Variants in MEF2A observed in about 807,000 individuals in gnomAD.
MEF2A encodes myocyte enhancer factor 2A.
In MEF2A, 28 loss-of-function variants were observed where a neutral mutation model predicts 55.8. The observed-to-expected ratio is 0.50, with a 90% CI of 0.37 to 0.69. The LOEUF (loss-of-function observed/expected upper bound fraction) is 0.69. Among genes scored for constraint, MEF2A ranks in the 30% least tolerant of loss-of-function variants. The pLI is 0.00. For synonymous variants in MEF2A, 239 were observed against 227.1 expected, an observed-to-expected ratio of 1.05 and a Z score of -0.47; for missense variants, 528 against 626.2, an observed-to-expected ratio of 0.84 and a Z score of 1.67.
intron 4 of MEF2A, among the ~76,000 whole-genome samples, chr15:99,647,706 G>A (rs935475815): frequency 6.6e-6 from 1 of 152,050 alleles, no homozygotes; most frequent in African/African-American, 2.4e-5. Flanking sequence ...ATTACATATT[G>A]GGATTTTGAT....
chr15:99,593,711 A>G (rs1215119509), intron 1 of MEF2A, among the ~76,000 whole-genome samples: 1 of 152,214 alleles, frequency 6.6e-6, no homozygotes, highest in Non-Finnish European at 1.5e-5. Context: ...AGGTAGTTCA[A>G]ATAGTTTGAA....
At chr15:99,702,973 T>C (rs975107880) in intron 8 of MEF2A, among the ~76,000 whole-genome samples, 4 of 152,152 alleles carry the variant, frequency 2.6e-5, no homozygotes, top group African/African-American at 9.7e-5. Context: ...GGGGTAATAG[T>C]AGGGTGATTA....
At chr15:99,676,234 TCTTA>T (rs1449419907) in intron 7 of MEF2A, among the ~76,000 whole-genome samples, 1 of 152,006 alleles carries the variant, frequency 6.6e-6, no homozygotes, top group African/African-American at 2.4e-5. Flanking sequence ...TATTGTGGAG[TCTTA>T]CTTAACAGAA....
intron 4 of MEF2A, among the ~76,000 whole-genome samples, chr15:99,663,155 G>A (rs2048963741): frequency 6.6e-6 from 1 of 151,906 alleles, no homozygotes; most frequent in African/African-American, 2.4e-5. Flanking sequence ...AGCAGTATAG[G>A]CTCTTCGATC....
chr15:99,712,374 CT>C lies in MEF2A; in HGVS notation c.1137-8del, dbSNP rs747362503. ...TACTTGCAAGCCATCTGACCTCTCT[CT>C]TTTTTTTCCTTCAGTGCTGGAGGGC... On this transcript the variant is annotated splice_polypyrimidine_tract_variant and intron_variant, in intron 11 of 11. Transcript: ENST00000557942. This position sits in a 1 kb window ranked among gnomAD's most constrained non-coding sequence, Gnocchi z 4.1. 2.6e-6 allele frequency: 4 copies of C among 1,511,120 alleles called. No homozygotes were observed. The highest frequency in any genetic ancestry group is 2.1e-5 in the Admixed American group (1 of 48,496). 93.6% of individuals were successfully genotyped at this position (1,511,120 alleles called of 1,614,324 possible). A position where few individuals can be genotyped will look rare whatever the true frequency, so the allele number is the denominator to read the frequency against.
chr15:99,574,751 T>C (rs1341414311), intron 1 of MEF2A, among the ~76,000 whole-genome samples: 1 of 152,206 alleles, frequency 6.6e-6, no homozygotes, highest in Non-Finnish European at 1.5e-5. Context: ...TCTTGCTGTG[T>C]GGCCCCATTC....
At chr15:99,711,804 T>A (rs1349516775) in intron 11 of MEF2A, among the ~76,000 whole-genome samples, 1 of 152,228 alleles carries the variant, frequency 6.6e-6, no homozygotes, top group African/African-American at 2.4e-5. Context: ...CTCAGGCCTG[T>A]CCTGAGCATC....
At chr15:99,625,483 T>C (rs1596562445) in intron 2 of MEF2A, among the ~76,000 whole-genome samples, 2 of 152,280 alleles carry the variant, frequency 1.3e-5, no homozygotes, top group Middle Eastern at 6.8e-3. Flanking sequence ...TCTTGTCTAA[T>C]TGCTCTAGCT....
At chr15:99,607,933 T>C (rs1853817334) in intron 2 of MEF2A, among the ~76,000 whole-genome samples, 1 of 152,228 alleles carries the variant, frequency 6.6e-6, no homozygotes, top group East Asian at 1.9e-4. Flanking sequence ...TCAGTTCTTA[T>C]AATTTCCTGT....
rs1403151791 is a variant in MEF2A at position 99,706,768 on chromosome 15, C to T, written c.922C>T (p.Leu308Phe). 5 of 1,613,834 alleles carry T rather than the reference C, an allele frequency of 3.1e-6. No homozygotes were observed. The highest frequency in any genetic ancestry group is 4.2e-6 in the Non-Finnish European group (5 of 1,179,830). ...RISSSQATQPLATPVVSVTTP... is the reference protein window; with the variant it reads ...RISSSQATQPFATPVVSVTTP... ...CAGTAGTTCTCAAGCCACTCAACCT[C>T]TTGCTACCCCAGTCGTGTCTGTGAC... The change falls in exon 10 of 12, where the codon CTT becomes TTT. Residue 308 changes from leucine (L) to phenylalanine (F), a missense_variant. Transcript: ENST00000557942.
chr15:99,616,196 C>T (rs1025204615), intron 2 of MEF2A, among the ~76,000 whole-genome samples: 1 of 151,774 alleles, frequency 6.6e-6, no homozygotes, highest in Non-Finnish European at 1.5e-5. Context: ...AGGTATTTTA[C>T]GTGTATACAA....
chr15:99,701,382 CA>C (rs1309013672), intron 8 of MEF2A, among the ~76,000 whole-genome samples: 1 of 152,008 alleles, frequency 6.6e-6, no homozygotes, highest in Non-Finnish European at 1.5e-5. Context: ...TCTTTCAAAA[CA>C]AGTTGTCAAG....
chr15:99,585,715 C>G (rs577528426), intron 1 of MEF2A, among the ~76,000 whole-genome samples: 1 of 152,168 alleles, frequency 6.6e-6, no homozygotes, highest in Admixed American at 6.5e-5. Flanking sequence ...TTAATTCTCA[C>G]AACTGAACTT....
At chr15:99,653,809 A>G (rs1159200959) in intron 4 of MEF2A, among the ~76,000 whole-genome samples, 1 of 152,064 alleles carries the variant, frequency 6.6e-6, no homozygotes, top group Non-Finnish European at 1.5e-5. Flanking sequence ...ATCTCCTGTA[A>G]CTCAGTGGAG....
rs1361931878 is a variant in MEF2A at position 99,645,638 on chromosome 15, A to G, written c.132A>G (p.Ala44=). The G allele has an allele frequency of 1.9e-6, 3 of 1,613,740 alleles. No homozygotes were observed. The highest frequency in any genetic ancestry group is 2.5e-6 in the Non-Finnish European group (3 of 1,179,732). Residue 44 remains alanine (A), a synonymous_variant, in exon 4 of 12, where the codon GCA becomes GCG. Transcript: ENST00000557942. The part of the protein sequence containing the change: ...ELSVLCDCEI[A]LIIFNSSNKL... Reference sequence around the variant, plus strand: ...GTGTGCTCTGTGACTGTGAAATAGCACTCATCATTTTCAACAGCTCTAACA... The same window carrying G: ...GTGTGCTCTGTGACTGTGAAATAGCGCTCATCATTTTCAACAGCTCTAACA...
At chr15:99,600,741 G>C (rs1034767681) in intron 2 of MEF2A, among the ~76,000 whole-genome samples, 11 of 143,848 alleles carry the variant, frequency 7.6e-5, no homozygotes, top group African/African-American at 2.4e-4. Flanking sequence ...TCAGGACTCT[G>C]TTCTGCTGAT....
rs1234218234 is a variant in MEF2A, at chr15:99,598,442, G to A, written c.-212G>A. The A allele has an allele frequency of 6.6e-6, 1 of 152,026 alleles. No individual in the cohort carries two copies. Among genetic ancestry groups the A allele is most frequent in the Non-Finnish European group, 1.5e-5 (1 of 67,988 alleles). 9.4% of individuals were successfully genotyped at this position (152,026 alleles called of 1,614,324 possible). A position where few individuals can be genotyped will look rare whatever the true frequency, so the allele number is the denominator to read the frequency against. On this transcript the variant is annotated 5_prime_UTR_variant, in exon 2 of 12. In the 5' UTR this introduces an upstream ATG that the reference lacks. Coordinates refer to ENST00000557942, the MANE Select transcript of MEF2A (RefSeq NM_001319206.4). ...TTTCTTTTTTAAGGAATTGCATTTT[G>A]TGAAAAAAGAACAAGAATTTTCTGC...
At chr15:99,687,022 T>C (rs2054366009) in intron 7 of MEF2A, among the ~76,000 whole-genome samples, 1 of 148,824 alleles carries the variant, frequency 6.7e-6, no homozygotes, top group South Asian at 2.2e-4. Context: ...CCTCCTGGGC[T>C]CACCTCAGCC....
intron 1 of MEF2A, among the ~76,000 whole-genome samples, chr15:99,583,344 T>G (rs936882464): frequency 6.6e-6 from 1 of 152,192 alleles, no homozygotes; most frequent in African/African-American, 2.4e-5. Context: ...CCAAACTTTT[T>G]CTACATTCTG....
Sources: allele counts gnomAD v4.1 joint callset (sites outside exome capture counted in the v4.1 genomes callset), GRCh38; gene constraint gnomAD v4.1.1; non-coding constraint Gnocchi (gnomAD v3.1); transcripts MANE v1.5; gene names NCBI Gene and HGNC (gene_info 2026-07-23, HGNC 2026-07-21).